TMLHE: variants seen among roughly 807,000 people sequenced by gnomAD.
TMLHE encodes the protein trimethyllysine dioxygenase, mitochondrial.
Under a neutral mutation model 25.7 loss-of-function variants are expected in TMLHE, and 18 were observed. The observed-to-expected ratio is 0.70, with a 90% confidence interval of 0.48 to 1.04. The LOEUF is 1.04. TMLHE is among the 50% of genes least tolerant of loss of function. The pLI is 0.00. For synonymous variants in TMLHE, 105 were observed against 97.0 expected (o/e 1.08, Z -0.49); for missense variants, 236 against 259.0 (o/e 0.91, Z 0.61).
chrX:155,548,639 G>C (rs1484474343), intron 1 of TMLHE, among the ~76,000 whole-genome samples: 4 of 108,603 alleles, frequency 3.7e-5, no homozygotes, highest in Non-Finnish European at 7.6e-5. Context: ...GGAGGCTGAG[G>C]CAGGAGAATC....
chrX:155,547,050 A>G (rs914246432), intron 1 of TMLHE, among the ~76,000 whole-genome samples: 1 of 111,434 alleles, frequency 9.0e-6, no homozygotes, highest in South Asian at 3.7e-4. Flanking sequence ...TCTTAATCAA[A>G]TACTCTTCTC....
chrX:155,574,132 T>A (rs5940526), intron 1 of TMLHE, among the ~76,000 whole-genome samples: 60,714 of 106,962 alleles, frequency 0.57, 14,831 homozygotes, highest in Middle Eastern at 0.77. Context: ...GCCTCCATAA[T>A]GGTTGTAGAG....
At chrX:155,546,228 T>C (rs1458064365) in intron 1 of TMLHE, among the ~76,000 whole-genome samples, 1 of 111,944 alleles carries the variant, frequency 8.9e-6, no homozygotes, top group Non-Finnish European at 1.9e-5. Flanking sequence ...ACTATCGTTA[T>C]TACGGCTGTT....
At chrX:155,595,810 G>A (rs2067717294) in intron 1 of TMLHE, among the ~76,000 whole-genome samples, 1 of 111,834 alleles carries the variant, frequency 8.9e-6, no homozygotes, top group East Asian at 2.8e-4. Context: ...TAAGGCAAAC[G>A]AAAAGGTGAA....
intron 1 of TMLHE, among the ~76,000 whole-genome samples, chrX:155,611,112 G>A (rs1244615061): frequency 1.8e-5 from 2 of 111,504 alleles, no homozygotes; most frequent in African/African-American, 3.3e-5. Context: ...AAATCATGAG[G>A]TATTTTCCTC....
intron 3 of TMLHE, 112 bp downstream of exon 3, chrX:155,524,344 A>T: frequency 1.4e-6 from 1 of 698,444 alleles, no homozygotes; most frequent in Non-Finnish European, 2.0e-6. Flanking sequence ...AAAACAAGAA[A>T]AAAAGAAAAG....
intron 2 of TMLHE, among the ~76,000 whole-genome samples, chrX:155,539,627 T>C (rs1557337971): frequency 9.0e-6 from 1 of 111,138 alleles, no homozygotes; most frequent in Non-Finnish European, 1.9e-5. Flanking sequence ...CAAGATATAG[T>C]AAGACATACG....
At chrX:155,561,929 C>T (rs1307918811) in intron 1 of TMLHE, among the ~76,000 whole-genome samples, 1 of 62,751 alleles carries the variant, frequency 1.6e-5, no homozygotes, top group African/African-American at 3.5e-5. Context: ...GCTGCATTCA[C>T]GAGCTGGCAT....
At chrX:155,568,142 G>A (rs1426324924) in intron 1 of TMLHE, among the ~76,000 whole-genome samples, 2 of 61,385 alleles carry the variant, frequency 3.3e-5, no homozygotes, top group African/African-American at 7.2e-5. Context: ...CTAATACTGC[G>A]CTTTTCCGAC....
Position 155,507,053 on chromosome X carries a change from C to T in TMLHE, c.840G>A (p.Gln280=), listed in dbSNP as rs199989202. The change falls in exon 6 of 8, where the codon CAG becomes CAA. Residue 280 remains glutamine, a synonymous_variant. Coordinates refer to ENST00000334398, the MANE Select transcript of TMLHE (RefSeq NM_018196.4). ...LLVDGFYAAE[Q]VLQKAPEEFE... The stretch of plus-strand genomic sequence containing the variant: ...ATTCCTCAGGTGCCTTTTGAAGTAC[C>T]TGTTCTGCTGCATAGAATCCATCTA... The T allele has an allele frequency of 3.3e-6, 4 of 1,208,196 alleles. No individual in the cohort carries two copies. The African/African-American group carries it at 5.3e-5, about 16-fold the overall frequency.
chrX:155,551,657 A>G (rs193013924), intron 1 of TMLHE, among the ~76,000 whole-genome samples: 3 of 109,596 alleles, frequency 2.7e-5, no homozygotes, highest in Middle Eastern at 4.6e-3. Context: ...TATCCTCTGA[A>G]GTTTTCCATC....
intron 1 of TMLHE, among the ~76,000 whole-genome samples, chrX:155,605,434 A>T (rs782814560): frequency 2.1e-4 from 23 of 111,852 alleles, no homozygotes; most frequent in African/African-American, 7.5e-4. Flanking sequence ...TTGGGGGCCT[A>T]GATTCAGCAT....
At chrX:155,602,174 C>CA (rs1398237311) in intron 1 of TMLHE, among the ~76,000 whole-genome samples, 1 of 111,090 alleles carries the variant, frequency 9.0e-6, no homozygotes, top group Non-Finnish European at 1.9e-5. Context: ...ACCAGTATTT[C>CA]AAAAAGGATT....
intron 1 of TMLHE, among the ~76,000 whole-genome samples, chrX:155,610,423 C>T (rs782447378): frequency 1.8e-5 from 2 of 111,795 alleles, no homozygotes; most frequent in South Asian, 7.5e-4. Flanking sequence ...ATGGTTGCAC[C>T]ACCCAATAAA....
intron 1 of TMLHE, among the ~76,000 whole-genome samples, chrX:155,560,034 C>T (rs782078619): frequency 8.9e-6 from 1 of 112,527 alleles, no homozygotes; most frequent in African/African-American, 3.2e-5. Flanking sequence ...GCACTTAAAA[C>T]ATGTATGACA....
At chrX:155,575,312 CT>C (rs1363820324) in intron 1 of TMLHE, among the ~76,000 whole-genome samples, 3 of 111,870 alleles carry the variant, frequency 2.7e-5, no homozygotes, top group Non-Finnish European at 5.6e-5. Flanking sequence ...AGGTTGCATT[CT>C]CAGATATAGA....
At chrX:155,548,551 T>G (rs186301444) in intron 1 of TMLHE, among the ~76,000 whole-genome samples, 3 of 107,196 alleles carry the variant, frequency 2.8e-5, no homozygotes, top group Admixed American at 9.7e-5. Flanking sequence ...CTGACTAACA[T>G]GGTGAAACCC....
At chrX:155,600,956 G>A (rs2067752564) in intron 1 of TMLHE, among the ~76,000 whole-genome samples, 1 of 111,472 alleles carries the variant, frequency 9.0e-6, no homozygotes, top group South Asian at 3.8e-4. Context: ...GTGACCCCCT[G>A]GAAGCTAGCA....
intron 2 of TMLHE, among the ~76,000 whole-genome samples, chrX:155,534,596 G>A (rs782746876): frequency 1.8e-5 from 2 of 110,865 alleles, no homozygotes; most frequent in Non-Finnish European, 3.8e-5. Flanking sequence ...TTCCTATTTT[G>A]GAAGCACATA....
Sources: gnomAD v4.1 joint callset for allele counts (sites outside exome capture counted in the v4.1 genomes callset) on GRCh38, gnomAD v4.1.1 for gene constraint, MANE v1.5 for transcripts, NCBI Gene and HGNC (gene_info 2026-07-23, HGNC 2026-07-21) for gene names.